Variants in EYS observed in about 807,000 individuals in gnomAD.
The protein encoded by EYS is EGF-like photoreceptor maintenance factor.
In EYS, 250 loss-of-function variants were observed where a neutral mutation model predicts 282.1. That is an observed-to-expected ratio of 0.89 (90% confidence interval 0.80 to 0.98). EYS has a LOEUF of 0.98. Among genes scored for constraint, EYS ranks in the 50% least tolerant of loss-of-function variants. The pLI is 0.00. For synonymous variants in EYS, 1,355 were observed against 1,282.9 expected, an observed-to-expected ratio of 1.06 and a Z score of -1.20; for missense variants, 4,016 against 3,709.0, an observed-to-expected ratio of 1.08 and a Z score of -2.15.
At chr6:64,667,456 G>T (rs1021352753) in intron 22 of EYS, among the ~76,000 whole-genome samples, 5 of 151,496 alleles carry the variant, frequency 3.3e-5, no homozygotes, top group South Asian at 2.1e-4. Context: ...TGGATGGATT[G>T]CTGGGAAGGA....
At chr6:63,861,889 T>C (rs935835567) in intron 36 of EYS, among the ~76,000 whole-genome samples, 1 of 152,198 alleles carries the variant, frequency 6.6e-6, no homozygotes, top group African/African-American at 2.4e-5. Flanking sequence ...CAGTGAGAAA[T>C]ACATTTCTGT....
chr6:64,062,217 G>A (rs193283763), intron 33 of EYS, among the ~76,000 whole-genome samples: 83 of 152,270 alleles, frequency 5.5e-4, no homozygotes, highest in African/African-American at 1.9e-3. Context: ...CTAAACAGAT[G>A]AGACAGCAAG....
At chr6:65,522,655 A>G (rs947545557) in intron 2 of EYS, among the ~76,000 whole-genome samples, 1 of 152,320 alleles carries the variant, frequency 6.6e-6, no homozygotes, top group African/African-American at 2.4e-5. Context: ...CTTCCAAATT[A>G]TATGCTAATT....
chr6:65,058,919 T>A (rs958803218), intron 12 of EYS, among the ~76,000 whole-genome samples: 1 of 152,070 alleles, frequency 6.6e-6, no homozygotes, highest in South Asian at 2.1e-4. Context: ...ACATTCCTTC[T>A]TTTTTTAAAA....
chr6:64,808,251 A>G (rs1348897372), intron 22 of EYS, among the ~76,000 whole-genome samples: 1 of 152,090 alleles, frequency 6.6e-6, no homozygotes, highest in Non-Finnish European at 1.5e-5. Flanking sequence ...GGGGACACTG[A>G]TGTAGACAAT....
intron 12 of EYS, among the ~76,000 whole-genome samples, chr6:65,284,873 A>G (rs1469297919): frequency 6.6e-6 from 1 of 152,086 alleles, no homozygotes; most frequent in Admixed American, 6.6e-5. Flanking sequence ...ATAACATCTG[A>G]TTAATTTGCA....
At chr6:65,617,056 G>A (rs1196835870) in intron 2 of EYS, among the ~76,000 whole-genome samples, 3 of 152,044 alleles carry the variant, frequency 2.0e-5, no homozygotes, top group African/African-American at 4.8e-5. Context: ...GGATTTTTAT[G>A]GAAAGGGAGA....
chr6:65,469,008 A>C (rs1313558283), intron 5 of EYS, among the ~76,000 whole-genome samples: 2 of 152,140 alleles, frequency 1.3e-5, no homozygotes, highest in Admixed American at 1.3e-4. Context: ...GAAACAAAGA[A>C]GAAATCAAAG....
chr6:65,187,538 A>G (rs1480535389), intron 12 of EYS, among the ~76,000 whole-genome samples: 3 of 151,692 alleles, frequency 2.0e-5, no homozygotes, highest in African/African-American at 4.8e-5. Context: ...CAACTTTTTC[A>G]TGCAGTTTTC....
chr6:65,371,619 T>C (rs905707395), intron 8 of EYS, among the ~76,000 whole-genome samples: 1 of 151,782 alleles, frequency 6.6e-6, no homozygotes, highest in Non-Finnish European at 1.5e-5. Context: ...AGAAGTATGA[T>C]AATATTGAGC....
chr6:65,405,060 G>A (rs541954754), intron 6 of EYS, 114 bp downstream of exon 6: 3 of 754,708 alleles, frequency 4.0e-6, no homozygotes, highest in African/African-American at 1.8e-5. Flanking sequence ...GTTCGTCTGA[G>A]TTTAACAATT....
chr6:64,641,423 A>G lies in EYS; in HGVS notation c.3444-15178T>C, dbSNP rs1020083952. ...TTGGGTGTGGACACAGCCAAACCAT[A>G]TCATGCTTATAATAGTTTGCCAACT... On this transcript the variant is annotated intron_variant, in intron 22 of 42. Transcript: ENST00000503581. Among the ~76,000 whole-genome samples, 2 of 152,198 alleles carry G rather than the reference A, an allele frequency of 1.3e-5. 1 individual carries two copies. The highest frequency in any genetic ancestry group is 2.9e-5 in the Non-Finnish European group (2 of 68,038).
intron 2 of EYS, among the ~76,000 whole-genome samples, chr6:65,565,739 AC>A (rs1239609037): frequency 6.6e-6 from 1 of 152,164 alleles, no homozygotes; most frequent in African/African-American, 2.4e-5. Flanking sequence ...AAAATGCGGC[AC>A]ATATACAACA....
Position 64,388,684 on chromosome 6 carries a change from A to T in EYS, c.6078+6T>A. On this transcript the variant is annotated splice_donor_region_variant and intron_variant, in intron 29 of 42. Coordinates refer to ENST00000503581, the MANE Select transcript of EYS (RefSeq NM_001142800.2). ...AATTAATATTTTAAAACATCTATAG[A>T]AATACCTGGATTTTCCCATGAAGGT... 2 of 1,519,548 alleles carry T rather than the reference A, an allele frequency of 1.3e-6. No homozygotes were observed. The highest frequency in any genetic ancestry group is 1.8e-6 in the Non-Finnish European group (2 of 1,130,778). 94.1% of individuals were successfully genotyped at this position (1,519,548 alleles called of 1,614,324 possible).
chr6:63,759,180 G>T (rs1769569988), intron 41 of EYS, among the ~76,000 whole-genome samples: 1 of 151,996 alleles, frequency 6.6e-6, no homozygotes, highest in South Asian at 2.1e-4. Context: ...TCACTGTTTT[G>T]TAAAAACTAA....
chr6:63,738,031 A>C (rs1201384452), intron 41 of EYS, among the ~76,000 whole-genome samples: 1 of 152,186 alleles, frequency 6.6e-6, no homozygotes, highest in Non-Finnish European at 1.5e-5. Context: ...TCAAAACCAC[A>C]ATGAGATATC....
rs1764940916 is a variant in EYS at position 64,822,829 on chromosome 6, T to G, written c.2993-7A>C. ...TTTATTTCACAGTTGATGCCTGTGT[T>G]GGAACAGACAAGGCAAAACATGAAA... On this transcript the variant is annotated splice_region_variant and splice_polypyrimidine_tract_variant and intron_variant, in intron 19 of 42. Coordinates refer to ENST00000503581, the MANE Select transcript of EYS (RefSeq NM_001142800.2). The G allele has an allele frequency of 6.5e-7, 1 of 1,545,336 alleles. No individual in the cohort carries two copies.
chr6:64,698,237 A>G (rs1457226953), intron 22 of EYS, among the ~76,000 whole-genome samples: 2 of 152,138 alleles, frequency 1.3e-5, no homozygotes, highest in African/African-American at 4.8e-5. Flanking sequence ...AAAGAAATAG[A>G]TTATAAATTA....
chr6:63,911,881 T>A (rs1164082314), intron 35 of EYS, among the ~76,000 whole-genome samples: 1 of 152,216 alleles, frequency 6.6e-6, no homozygotes, highest in Non-Finnish European at 1.5e-5. Context: ...TTATTGAACA[T>A]CTATGTGTTG....
Sources: allele counts gnomAD v4.1 joint callset (sites outside exome capture counted in the v4.1 genomes callset), GRCh38; gene constraint gnomAD v4.1.1; transcripts MANE v1.5; gene names NCBI Gene and HGNC (gene_info 2026-07-23, HGNC 2026-07-21).